The following TBCD variants were observed in gnomAD, a reference collection of about 807,000 sequenced individuals.
The protein encoded by TBCD is tubulin folding cofactor D.
Under a neutral mutation model 169.3 loss-of-function variants are expected in TBCD, and 105 were observed. The observed-to-expected ratio is 0.62, with a 90% CI of 0.53 to 0.73. The LOEUF (loss-of-function observed/expected upper bound fraction) is 0.73. TBCD is among the 30% of genes least tolerant of loss of function. The probability of loss-of-function intolerance (pLI) is 0.00; values close to 1 mark genes in which losing one functional copy is unlikely to be tolerated. For missense variants in TBCD, 1,444 were observed against 1,600.1 expected (o/e 0.90, Z 1.66); for synonymous variants, 700 against 643.9 (o/e 1.09, Z -1.32).
At chr17:82,857,242 GGTT>G (rs1279597690) in intron 13 of TBCD, among the ~76,000 whole-genome samples, 3 of 152,298 alleles carry the variant, frequency 2.0e-5, no homozygotes, top group East Asian at 3.9e-4. Context: ...TGTGCTCCTT[GGTT>G]GTTTGTGTAT....
At chr17:82,773,994 G>A (rs1360552312) in intron 6 of TBCD, among the ~76,000 whole-genome samples, 12 of 150,632 alleles carry the variant, frequency 8.0e-5, no homozygotes, top group Non-Finnish European at 1.8e-4. Flanking sequence ...CTCCCAAAGT[G>A]CTGAGATTAC....
At chr17:82,752,514 C>T (rs989872472) in intron 1 of TBCD, 137 bp downstream of exon 1, 20 of 692,470 alleles carry the variant, frequency 2.9e-5, no homozygotes, top group African/African-American at 2.9e-4. Context: ...TCCCGCGGGC[C>T]GTGGTGGGGC....
chr17:82,823,631 G>A (rs1027685932), intron 13 of TBCD, among the ~76,000 whole-genome samples: 15 of 151,978 alleles, frequency 9.9e-5, no homozygotes, highest in Admixed American at 4.6e-4. Flanking sequence ...TAGAAAGGGC[G>A]TTGTCGGCAT....
chr17:82,801,000 G>A lies in TBCD; in HGVS notation c.950+4G>A. ...AGCCGAAGGTGGCAGCATGGAGGTA[G>A]GCACCATGAGGGCGGTGCCTGGGGA... On this transcript the variant is annotated splice_donor_region_variant and intron_variant, in intron 9 of 38. Coordinates refer to ENST00000355528, the MANE Select transcript of TBCD (RefSeq NM_005993.5). 6.2e-7 allele frequency: 1 copy of A among 1,605,580 alleles called. No individual in the cohort carries two copies. Among genetic ancestry groups the A allele is most frequent in the Non-Finnish European group, 8.5e-7 (1 of 1,177,248 alleles).
chr17:82,889,648 G>A lies in TBCD; in HGVS notation c.1534-20G>A. ...GAAGCTGACCTCGCTCACCTGCTGT[G>A]TTTGTTCTTTGCTCCGCAGGCCGCC... On this transcript the variant is annotated intron_variant, in intron 15 of 38. Coordinates refer to ENST00000355528, the MANE Select transcript of TBCD (RefSeq NM_005993.5). The surrounding 1 kb of genome is among the most constrained non-coding windows in gnomAD (Gnocchi z 5.3). 1.2e-6 allele frequency: 2 copies of A among 1,613,972 alleles called. No individual in the cohort carries two copies. Among genetic ancestry groups the A allele is most frequent in the Non-Finnish European group, 1.7e-6 (2 of 1,179,866 alleles).
rs2053522278 is a variant in TBCD, at chr17:82,831,639, C to G, written c.1318+16705C>G. On this transcript the variant is annotated intron_variant, in intron 13 of 38. Transcript: ENST00000355528. This position sits in a 1 kb window ranked among gnomAD's most constrained non-coding sequence, Gnocchi z 4.6. ...GGTCTTGGGTTCCGTAGACTGACAG[C>G]AGGGGTGCGTCACACTCAGGCGAGC... The G allele has an allele frequency of 6.2e-7, 1 of 1,614,102 alleles. No individual in the cohort carries two copies. Among genetic ancestry groups the G allele is most frequent in the Admixed American group, 1.7e-5 (1 of 60,012 alleles).
Position 82,832,161 on chromosome 17 carries a change from G to A in TBCD, c.1318+17227G>A, listed in dbSNP as rs778655860. 13 of 1,614,116 alleles carry A rather than the reference G, an allele frequency of 8.1e-6. No individual in the cohort carries two copies. The highest frequency in any genetic ancestry group is 4.5e-5 in the East Asian group (2 of 44,898). On this transcript the variant is annotated intron_variant, in intron 13 of 38. Transcript: ENST00000355528. The surrounding 1 kb of genome is among the most constrained non-coding windows in gnomAD (Gnocchi z 4.9). ...CAGAGCTGTGCTGAAGCTTCGAGTC[G>A]AAGGCAGAGAGTCCATTTGCGACAG...
intron 9 of TBCD, among the ~76,000 whole-genome samples, chr17:82,805,102 AGGAGCAGCTGTGTACGCGGGGGCCTTG>A (rs1202847008): frequency 6.6e-6 from 1 of 152,260 alleles, no homozygotes; most frequent in African/African-American, 2.4e-5. Context: ...CACCCTTGGC[AGGAGCAGCTGTGTACGCGGGGGCCTTG>A]CTCAGCGCAG....
chr17:82,760,110 G>A (rs1178555439), intron 2 of TBCD, among the ~76,000 whole-genome samples: 1 of 151,604 alleles, frequency 6.6e-6, no homozygotes, highest in Non-Finnish European at 1.5e-5. Context: ...CTGACCTCAA[G>A]CAGTCTGCCC....
At chr17:82,862,386 G>C (rs1207749991) in intron 13 of TBCD, among the ~76,000 whole-genome samples, 2 of 152,026 alleles carry the variant, frequency 1.3e-5, no homozygotes, top group African/African-American at 4.8e-5. Flanking sequence ...AAGCCGGAGG[G>C]AGAAGCCTCT....
intron 13 of TBCD, among the ~76,000 whole-genome samples, chr17:82,859,274 CA>C (rs1338401634): frequency 6.7e-6 from 1 of 150,044 alleles, no homozygotes; most frequent in Non-Finnish European, 1.5e-5. Context: ...GTCCTCCCTA[CA>C]CTGACACACT....
intron 23 of TBCD, among the ~76,000 whole-genome samples, chr17:82,918,984 A>C (rs1012447045): frequency 2.6e-5 from 4 of 152,250 alleles, no homozygotes; most frequent in African/African-American, 7.2e-5. Flanking sequence ...ATGTGAGAGT[A>C]ACTAATAACT....
At chr17:82,820,929 A>G (rs1211000345) in intron 13 of TBCD, among the ~76,000 whole-genome samples, 1 of 152,094 alleles carries the variant, frequency 6.6e-6, no homozygotes, top group African/African-American at 2.4e-5. Context: ...TTGAGTCCTC[A>G]GTTCCAGAAT....
At chr17:82,826,808 C>A (rs2052890055) in intron 13 of TBCD, among the ~76,000 whole-genome samples, 1 of 152,078 alleles carries the variant, frequency 6.6e-6, no homozygotes, top group African/African-American at 2.4e-5. Flanking sequence ...AAAGGTCTCA[C>A]TCTGTCACCC....
chr17:82,801,603 T>C (rs1009551698), intron 9 of TBCD, among the ~76,000 whole-genome samples: 34 of 90,540 alleles, frequency 3.8e-4, no homozygotes, highest in Middle Eastern at 7.7e-3. Context: ...GGCAGGAGGG[T>C]GGCGTGTGCG....
rs1044874301 is a variant in TBCD, at chr17:82,835,261, A to C, written c.1318+20327A>C. The stretch of plus-strand genomic sequence containing the variant: ...GGAGCCTAGGAGGCAGCTGTCCCTG[A>C]AGCAAGGCGCCACCCCTCCTCCCTG... On this transcript the variant is annotated intron_variant, in intron 13 of 38. Coordinates refer to ENST00000355528, the MANE Select transcript of TBCD (RefSeq NM_005993.5). The surrounding 1 kb of genome is among the most constrained non-coding windows in gnomAD (Gnocchi z 4.5). Among the ~76,000 whole-genome samples the C allele has an allele frequency of 3.3e-5, 5 of 152,100 alleles. No homozygotes were observed. Among genetic ancestry groups the C allele is most frequent in the Non-Finnish European group, 7.4e-5 (5 of 67,986 alleles).
chr17:82,770,935 G>A (rs1385520335), intron 5 of TBCD, among the ~76,000 whole-genome samples: 2 of 151,644 alleles, frequency 1.3e-5, no homozygotes, highest in East Asian at 3.9e-4. Context: ...CAAATGAACA[G>A]CTACTTGGGA....
chr17:82,853,104 G>A (rs1487746354), intron 13 of TBCD, among the ~76,000 whole-genome samples: 5 of 152,092 alleles, frequency 3.3e-5, no homozygotes, highest in African/African-American at 4.8e-5. Context: ...TGTCGAGACA[G>A]GTTCTTGCTC....
intron 18 of TBCD, among the ~76,000 whole-genome samples, chr17:82,901,069 G>T (rs764604316): frequency 6.6e-6 from 1 of 152,226 alleles, no homozygotes; most frequent in African/African-American, 2.4e-5. Context: ...AGTGCTTCCC[G>T]CTGACTCTGC....
Sources: gnomAD v4.1 joint callset for allele counts (sites outside exome capture counted in the v4.1 genomes callset) on GRCh38, gnomAD v4.1.1 for gene constraint, Gnocchi (gnomAD v3.1) non-coding constraint, MANE v1.5 for transcripts, NCBI Gene and HGNC (gene_info 2026-07-23, HGNC 2026-07-21) for gene names.